RRAGD: variants seen among roughly 807,000 people sequenced by gnomAD.
RRAGD encodes the protein Ras related GTP binding D, also known as ras-related GTP-binding protein D.
Under a neutral mutation model 35.5 loss-of-function variants are expected in RRAGD, and 12 were observed. The observed-to-expected ratio is 0.34, with a 90% confidence interval of 0.22 to 0.55. The LOEUF (loss-of-function observed/expected upper bound fraction) is 0.55, where lower values mean the gene tolerates loss of function less well. Among genes scored for constraint, RRAGD ranks in the 20% least tolerant of loss-of-function variants. The pLI is 0.91. For synonymous variants in RRAGD, 155 were observed against 178.9 expected, an observed-to-expected ratio of 0.87 and a Z score of 1.07; for missense variants, 324 against 490.1, an observed-to-expected ratio of 0.66 and a Z score of 3.20.
chr6:89,405,537 C>T (rs1328608027), intron 1 of RRAGD, among the ~76,000 whole-genome samples: 1 of 151,902 alleles, frequency 6.6e-6, no homozygotes, highest in Non-Finnish European at 1.5e-5. Context: ...TCAGCATACA[C>T]GCATACACAC....
chr6:89,399,578 C>T (rs1042240216), intron 1 of RRAGD, among the ~76,000 whole-genome samples: 1 of 152,054 alleles, frequency 6.6e-6, no homozygotes. Context: ...TCAAGATCAG[C>T]CTGGGCAACA....
intron 1 of RRAGD, among the ~76,000 whole-genome samples, chr6:89,394,780 G>T (rs775953511): frequency 6.6e-6 from 1 of 151,894 alleles, no homozygotes; most frequent in African/African-American, 2.4e-5. Flanking sequence ...ATTTTAAAAC[G>T]GTCCAGAAGG....
chr6:89,368,040 A>T lies in RRAGD; in HGVS notation c.*16T>A, dbSNP rs775580468. ...TGGATAAGGTCTGATTTCAAAAGAC[A>T]TTCCTGAAACCTCACCTACAGCAGC... On this transcript the variant is annotated 3_prime_UTR_variant, in exon 7 of 7. Coordinates refer to ENST00000369415, the MANE Select transcript of RRAGD (RefSeq NM_021244.5). 1 of 1,577,820 alleles carries T rather than the reference A, an allele frequency of 6.3e-7. No homozygotes were observed. The highest frequency in any genetic ancestry group is 1.2e-5 in the South Asian group (1 of 85,328).
At position 89,380,610 on chromosome 6, in the gene RRAGD, C is replaced by G. The variant is rs544413518; in HGVS notation, c.445-243G>C. 7.6e-4 allele frequency among the ~76,000 whole-genome samples: 115 copies of G among 152,302 alleles called. 1 individual carries two copies. In the Middle Eastern group the frequency reaches 0.014, roughly 18 times the overall value. ...AGTTATGACTGAGGTTGATGACAGTCATAAAGATCAGAGTTGGCTGGGCGT... is the reference window on the plus strand; with the variant it reads ...AGTTATGACTGAGGTTGATGACAGTGATAAAGATCAGAGTTGGCTGGGCGT... On this transcript the variant is annotated intron_variant, in intron 2 of 6. Transcript: ENST00000369415.
intron 1 of RRAGD, among the ~76,000 whole-genome samples, chr6:89,408,884 C>T (rs1052750709): frequency 2.6e-5 from 4 of 152,222 alleles, no homozygotes; most frequent in African/African-American, 7.2e-5. Flanking sequence ...TTGTTTTTAA[C>T]GGCCTAACCA....
At chr6:89,371,899 T>C (rs1768859389) in intron 6 of RRAGD, among the ~76,000 whole-genome samples, 6 of 152,240 alleles carry the variant, frequency 3.9e-5, no homozygotes, top group Admixed American at 3.9e-4. Context: ...AATATATTCA[T>C]GGTCTTCCCT....
intron 1 of RRAGD, among the ~76,000 whole-genome samples, chr6:89,399,287 C>T (rs868331725): frequency 6.6e-6 from 1 of 152,198 alleles, no homozygotes; most frequent in African/African-American, 2.4e-5. Flanking sequence ...GAACTAAATA[C>T]ACATACAGCT....
rs751922503 is a variant in RRAGD at position 89,377,811 on chromosome 6, A to C, written c.762T>G (p.Asn254Lys). 2 of 1,593,816 alleles carry C rather than the reference A, an allele frequency of 1.3e-6. No individual in the cohort carries two copies. The highest frequency in any genetic ancestry group is 3.4e-4 in the Middle Eastern group (2 of 5,952). ...ATAGAAATGCCTTTTCAATTCCAGA[A>C]TTCTGAAATTTAAAAAAAAAAGTTG... ...LENLLNIFIS[N>K]SGIEKAFLFD... Residue 254 changes from asparagine (N) to lysine (K), a missense_variant and splice_region_variant, in exon 5 of 7, where the codon AAT (asparagine) becomes AAG (lysine). Coordinates refer to ENST00000369415, the MANE Select transcript of RRAGD (RefSeq NM_021244.5).
At position 89,411,609 on chromosome 6, in the gene RRAGD, T is replaced by TCCCTCCTTC; in HGVS notation, c.148+228_148+236dup. Reference sequence around the variant, plus strand: ...GCGCTCCTCCAGCCCAGACGCTTACTCCCTCCTTCCCCTTTTCCACCGATC... The same window carrying TCCCTCCTTC: ...GCGCTCCTCCAGCCCAGACGCTTACTCCCTCCTTCCCCTCCTTCCCCTTTTCCACCGATC... On this transcript the variant is annotated intron_variant, in intron 1 of 6. Coordinates refer to ENST00000369415, the MANE Select transcript of RRAGD (RefSeq NM_021244.5). The surrounding 1 kb of genome is among the most constrained non-coding windows in gnomAD (Gnocchi z 5.6). 1 of 552,652 alleles carries TCCCTCCTTC rather than the reference T, an allele frequency of 1.8e-6. No homozygotes were observed. 34.2% of individuals were successfully genotyped at this position (552,652 alleles called of 1,614,324 possible). A position where few individuals can be genotyped will look rare whatever the true frequency, so the allele number is the denominator to read the frequency against.
chr6:89,367,992 T>C lies in RRAGD; in HGVS notation c.*64A>G. 2.1e-6 allele frequency: 3 copies of C among 1,422,818 alleles called. No homozygotes were observed. The highest frequency in any genetic ancestry group is 2.8e-6 in the Non-Finnish European group (3 of 1,059,214). 88.1% of individuals were successfully genotyped at this position (1,422,818 alleles called of 1,614,324 possible). A position where few individuals can be genotyped will look rare whatever the true frequency, so the allele number is the denominator to read the frequency against. Reference sequence around the variant, plus strand: ...AATCTCCTTCTTCCTCTTCCTTTAGTGCAACATGGCGCAGCAGCCTCATGG... The same window carrying C: ...AATCTCCTTCTTCCTCTTCCTTTAGCGCAACATGGCGCAGCAGCCTCATGG... On this transcript the variant is annotated 3_prime_UTR_variant, in exon 7 of 7. Coordinates refer to ENST00000369415, the MANE Select transcript of RRAGD (RefSeq NM_021244.5).
At chr6:89,393,636 G>C (rs60877384) in intron 1 of RRAGD, among the ~76,000 whole-genome samples, 5,622 of 152,260 alleles carry the variant, frequency 0.037, 357 homozygotes, top group African/African-American at 0.13. Context: ...ACTATCAGAG[G>C]TGGATACAGT....
At position 89,380,086 on chromosome 6, in the gene RRAGD, C is replaced by T. The variant is rs558138225; in HGVS notation, c.644+82G>A. On this transcript the variant is annotated intron_variant, in intron 3 of 6. Transcript: ENST00000369415. ...AAAGAAGGTAAATTACTGCCCATGC[C>T]AAGCCAATCATGGTGACTCCGAACC... The T allele has an allele frequency of 2.7e-4, 337 of 1,263,138 alleles. 3 individuals are homozygous for T. The highest frequency in any genetic ancestry group is 7.2e-4 in the Admixed American group (41 of 57,272). 78.2% of individuals were successfully genotyped at this position (1,263,138 alleles called of 1,614,324 possible).
At chr6:89,377,902 TA>T in intron 4 of RRAGD, 89 bp from the exon 5 acceptor site, 1 of 975,488 alleles carries the variant, frequency 1.0e-6, no homozygotes, top group Non-Finnish European at 1.5e-6. Context: ...ATTCTTAATG[TA>T]AAATACAAAA....
At chr6:89,378,798 C>A (rs1768992220) in intron 4 of RRAGD, among the ~76,000 whole-genome samples, 2 of 152,226 alleles carry the variant, frequency 1.3e-5, no homozygotes, top group African/African-American at 4.8e-5. Context: ...CGCTCTGATG[C>A]CCAGGCTGGA....
intron 6 of RRAGD, among the ~76,000 whole-genome samples, chr6:89,369,473 G>C (rs1332739582): frequency 6.6e-6 from 1 of 152,092 alleles, no homozygotes; most frequent in Admixed American, 6.5e-5. Context: ...TCTTATTTCT[G>C]AGGCAGGGTC....
chr6:89,400,259 A>G (rs1769432126), intron 1 of RRAGD, among the ~76,000 whole-genome samples: 1 of 152,176 alleles, frequency 6.6e-6, no homozygotes, highest in Admixed American at 6.5e-5. Flanking sequence ...AAAGAGATTT[A>G]AAAACAAAAA....
intron 6 of RRAGD, among the ~76,000 whole-genome samples, chr6:89,371,583 C>G (rs948132188): frequency 3.9e-5 from 6 of 152,060 alleles, no homozygotes; most frequent in Non-Finnish European, 8.8e-5. Flanking sequence ...TACATACTTT[C>G]CTAAATTTTC....
intron 1 of RRAGD, among the ~76,000 whole-genome samples, chr6:89,401,312 C>T (rs1015674006): frequency 6.6e-6 from 1 of 151,600 alleles, no homozygotes; most frequent in African/African-American, 2.4e-5. Context: ...GGCTAGAGTG[C>T]TGTGGCGCAA....
intron 3 of RRAGD, among the ~76,000 whole-genome samples, 191 bp from the exon 4 acceptor site, chr6:89,379,529 G>A (rs2127887462): frequency 6.6e-6 from 1 of 152,258 alleles, no homozygotes; most frequent in African/African-American, 2.4e-5. Flanking sequence ...AAAAGCCCGA[G>A]CTGTGCCTAT....
Sources: allele counts gnomAD v4.1 joint callset (sites outside exome capture counted in the v4.1 genomes callset), GRCh38; gene constraint gnomAD v4.1.1; non-coding constraint Gnocchi (gnomAD v3.1); transcripts MANE v1.5; gene names NCBI Gene and HGNC (gene_info 2026-07-23, HGNC 2026-07-21).